The following CTNNA2 variants were observed in gnomAD, a reference collection of about 807,000 sequenced individuals.
The protein encoded by CTNNA2 is catenin alpha 2.
CTNNA2 carries 42 observed loss-of-function variants against 101.0 expected under a neutral mutation model. That is an observed-to-expected ratio of 0.42 (90% CI 0.32 to 0.54). The LOEUF (loss-of-function observed/expected upper bound fraction) is 0.54, where lower values mean the gene tolerates loss of function less well. CTNNA2 is among the 20% of genes least tolerant of loss of function. The pLI, the probability that CTNNA2 is intolerant of heterozygous loss-of-function variation, is 0.14. For synonymous variants in CTNNA2, 450 were observed against 456.4 expected (o/e 0.99, Z 0.18); for missense variants, 871 against 1,223.1 (o/e 0.71, Z 4.29).
chr2:79,764,736 G>GA lies in CTNNA2; in HGVS notation c.298+20159dup, dbSNP rs1021464608. On this transcript the variant is annotated intron_variant, in intron 3 of 18. Transcript: ENST00000402739. The stretch of plus-strand genomic sequence containing the variant: ...GGCTTAGACACCTGTTTCCTAGACT[G>GA]AAAAATAGGATCTTAAAATTGCCTT... 4.2e-4 allele frequency among the ~76,000 whole-genome samples: 64 copies of GA among 151,842 alleles called. 1 individual carries two copies. The highest frequency in any genetic ancestry group is 2.9e-3 in the Admixed American group (45 of 15,258).
chr2:79,442,367 A>G (rs1678786300), intron 4 of CTNNA2, among the ~76,000 whole-genome samples: 1 of 152,212 alleles, frequency 6.6e-6, no homozygotes, highest in Non-Finnish European at 1.5e-5. Context: ...TAATAAAATG[A>G]CATAAGGACC....
At chr2:79,569,834 T>C (rs1675352119) in intron 1 of CTNNA2, among the ~76,000 whole-genome samples, 1 of 152,220 alleles carries the variant, frequency 6.6e-6, no homozygotes, top group Non-Finnish European at 1.5e-5. Context: ...AAATTGAATG[T>C]ACTGATATTT....
intron 1 of CTNNA2, among the ~76,000 whole-genome samples, chr2:79,612,148 C>G (rs1052307303): frequency 6.6e-6 from 1 of 152,114 alleles, no homozygotes; most frequent in South Asian, 2.1e-4. Flanking sequence ...GGGTTAGTAG[C>G]CAGTCCTGGT....
intron 9 of CTNNA2, among the ~76,000 whole-genome samples, chr2:80,514,973 C>T (rs1234349959): frequency 1.3e-5 from 2 of 152,128 alleles, no homozygotes; most frequent in Non-Finnish European, 2.9e-5. Flanking sequence ...CATCAGGGAC[C>T]TACCCCTGTC....
At chr2:79,446,862 G>C (rs1427802048) in intron 4 of CTNNA2, among the ~76,000 whole-genome samples, 1 of 152,076 alleles carries the variant, frequency 6.6e-6, no homozygotes, top group African/African-American at 2.4e-5. Flanking sequence ...GAATTGGATA[G>C]TGCTGTTTGG....
chr2:79,510,310 C>A (rs979973196), upstream of CTNNA2, among the ~76,000 whole-genome samples: 58 of 151,974 alleles, frequency 3.8e-4, no homozygotes, highest in African/African-American at 1.2e-3. Flanking sequence ...TCAAGAAAAT[C>A]AAAAACAATC....
At chr2:80,490,280 A>T (rs867902915) in intron 9 of CTNNA2, among the ~76,000 whole-genome samples, 19 of 55,744 alleles carry the variant, frequency 3.4e-4, no homozygotes, top group Non-Finnish European at 5.3e-4. Context: ...TTCCCCCCCC[A>T]CCCCCCCCCC....
rs763555319 is a variant in CTNNA2, at chr2:80,648,028, A to G, written c.*156A>G. 3 of 651,342 alleles carry G rather than the reference A, an allele frequency of 4.6e-6. No individual in the cohort carries two copies. Among genetic ancestry groups the G allele is most frequent in the Non-Finnish European group, 5.1e-6 (2 of 392,776 alleles). 40.3% of individuals were successfully genotyped at this position (651,342 alleles called of 1,614,324 possible). A position where few individuals can be genotyped will look rare whatever the true frequency, so the allele number is the denominator to read the frequency against. On this transcript the variant is annotated 3_prime_UTR_variant, in exon 19 of 19. Transcript: ENST00000402739. ...TTTGCATGTAAGATGAGATGAGATC[A>G]ATACTACTGATCCATCTGTAGCCTG...
chr2:79,569,549 A>G (rs1221558302), intron 1 of CTNNA2, among the ~76,000 whole-genome samples: 1 of 152,108 alleles, frequency 6.6e-6, no homozygotes, highest in African/African-American at 2.4e-5. Flanking sequence ...TTTACCTTCT[A>G]CTTAATTTTT....
In CTNNA2 at chr2:80,530,244, G is replaced by A. The variant is rs147459615; in HGVS notation, c.1291-14738G>A. On this transcript the variant is annotated intron_variant, in intron 9 of 18. Coordinates refer to ENST00000402739, the MANE Select transcript of CTNNA2 (RefSeq NM_001282597.3). ...GAAATAACCCTCCTGCCCACCCCCG[G>A]CACTGCTCTGCCCTGCTTTCTGAGC... Among the ~76,000 whole-genome samples, 544 of 152,244 alleles carry A rather than the reference G, an allele frequency of 3.6e-3. 2 individuals carry two copies. The highest frequency in any genetic ancestry group is 0.013 in the African/African-American group (531 of 41,546).
chr2:80,021,152 TG>T (rs1366396536), intron 7 of CTNNA2, among the ~76,000 whole-genome samples: 1 of 151,884 alleles, frequency 6.6e-6, no homozygotes, highest in Non-Finnish European at 1.5e-5. Context: ...CCTGAGCAGC[TG>T]GGACTACAGG....
At chr2:79,847,358 T>C (rs1239877944) in intron 3 of CTNNA2, among the ~76,000 whole-genome samples, 1 of 151,676 alleles carries the variant, frequency 6.6e-6, no homozygotes. Context: ...GCTTGATCTA[T>C]GTGGTGAAAC....
intron 3 of CTNNA2, among the ~76,000 whole-genome samples, chr2:79,359,788 G>GTT (rs55633034): frequency 5.3e-5 from 8 of 149,820 alleles, no homozygotes; most frequent in East Asian, 2.0e-4. Flanking sequence ...CAGTCTGAAG[G>GTT]TTTTTTTTTT....
intron 6 of CTNNA2, among the ~76,000 whole-genome samples, chr2:79,904,308 T>G (rs1303303403): frequency 1.3e-5 from 2 of 152,184 alleles, no homozygotes; most frequent in Admixed American, 6.5e-5. Context: ...ATATGTGCTC[T>G]TAGACTCCTA....
chr2:80,292,671 A>G (rs1675370278), intron 7 of CTNNA2, among the ~76,000 whole-genome samples: 1 of 152,228 alleles, frequency 6.6e-6, no homozygotes, highest in Non-Finnish European at 1.5e-5. Context: ...CTATGCCAGC[A>G]TAGTCCTCTT....
At chr2:80,385,622 T>C (rs1291738415) in intron 7 of CTNNA2, among the ~76,000 whole-genome samples, 1 of 152,150 alleles carries the variant, frequency 6.6e-6, no homozygotes, top group African/African-American at 2.4e-5. Context: ...TTCTCTTTTC[T>C]TCCCCTCCTT....
intron 1 of CTNNA2, among the ~76,000 whole-genome samples, chr2:79,535,805 A>G (rs1343623832): frequency 6.6e-6 from 1 of 152,174 alleles, no homozygotes; most frequent in Non-Finnish European, 1.5e-5. Context: ...GCAGGGAGAT[A>G]GTTAAGATTT....
intron 1 of CTNNA2, among the ~76,000 whole-genome samples, chr2:79,621,716 A>G (rs905124770): frequency 6.6e-6 from 1 of 152,194 alleles, no homozygotes; most frequent in Non-Finnish European, 1.5e-5. Context: ...AAAGTACAGT[A>G]TGGAATTGGG....
chr2:80,117,979 A>G (rs927165019), intron 7 of CTNNA2, among the ~76,000 whole-genome samples: 2 of 152,118 alleles, frequency 1.3e-5, no homozygotes, highest in East Asian at 3.9e-4. Context: ...AGGGTGACAT[A>G]CGGGAAGGTT....
Sources: gnomAD v4.1 joint callset for allele counts (sites outside exome capture counted in the v4.1 genomes callset) on GRCh38, gnomAD v4.1.1 for gene constraint, MANE v1.5 for transcripts, NCBI Gene and HGNC (gene_info 2026-07-23, HGNC 2026-07-21) for gene names.